LPCAT1: variants seen among roughly 807,000 people sequenced by gnomAD.
LPCAT1 encodes the protein 1-acylglycerol-3-phosphate O-acyltransferase.
A neutral mutation model predicts 60.9 loss-of-function variants in LPCAT1; 23 were observed. The observed-to-expected ratio is 0.38, with a 90% CI of 0.27 to 0.53. LPCAT1 has a LOEUF of 0.53. LPCAT1 is among the 20% of genes least tolerant of loss of function. The pLI is 0.82. For missense variants in LPCAT1, 622 were observed against 723.6 expected (o/e 0.86, Z 1.61); for synonymous variants, 340 against 301.1 (o/e 1.13, Z -1.34).
chr5:1,472,720 G>A (rs1734733135), intron 11 of LPCAT1, among the ~76,000 whole-genome samples: 1 of 152,156 alleles, frequency 6.6e-6, no homozygotes, highest in Non-Finnish European at 1.5e-5. Context: ...AGCTGCAGAT[G>A]TGGCACGGAC....
intron 4 of LPCAT1, among the ~76,000 whole-genome samples, chr5:1,489,111 G>A (rs1350266711): frequency 6.6e-6 from 1 of 152,224 alleles, no homozygotes; most frequent in Non-Finnish European, 1.5e-5. Flanking sequence ...CCAGGGCCAG[G>A]CAGGCCAAAT....
rs2126633475 is a variant in LPCAT1 at position 1,523,670 on chromosome 5, T to C, written c.135+40A>G. ...CTCCCTGGCCCCAGCATCCCTGGCG[T>C]CCGCGCCGGCTCCCGGGGCCGCGCG... is the stretch of plus-strand genomic sequence containing the variant. On this transcript the variant is annotated intron_variant, in intron 1 of 13. Transcript: ENST00000283415. This position sits in a 1 kb window ranked among gnomAD's most constrained non-coding sequence, Gnocchi z 7.1. The C allele has an allele frequency of 9.4e-7, 1 of 1,068,230 alleles. No individual in the cohort carries two copies. Among genetic ancestry groups the C allele is most frequent in the Non-Finnish European group, 1.1e-6 (1 of 884,000 alleles). 66.2% of individuals were successfully genotyped at this position (1,068,230 alleles called of 1,614,324 possible).
rs1379898842 is a variant in LPCAT1 at position 1,480,649 on chromosome 5, C to T, written c.761+293G>A. Among the ~76,000 whole-genome samples, 4 of 152,154 alleles carry T rather than the reference C, an allele frequency of 2.6e-5. No individual in the cohort carries two copies. The highest frequency in any genetic ancestry group is 9.7e-5 in the African/African-American group (4 of 41,428). On this transcript the variant is annotated intron_variant, in intron 7 of 13. Transcript: ENST00000283415. This position sits in a 1 kb window ranked among gnomAD's most constrained non-coding sequence, Gnocchi z 6.4. ...AAATCTCCACTTTCCTTACCAGGGGCCACCAGGTGGACGATCGTAATTACT... is the reference window on the plus strand; with the variant it reads ...AAATCTCCACTTTCCTTACCAGGGGTCACCAGGTGGACGATCGTAATTACT...
At chr5:1,469,749 C>T (rs1734591524) in intron 12 of LPCAT1, among the ~76,000 whole-genome samples, 1 of 151,978 alleles carries the variant, frequency 6.6e-6, no homozygotes, top group Non-Finnish European at 1.5e-5. Flanking sequence ...CCACTGCACT[C>T]CAGCCTGGAC....
In LPCAT1 at chr5:1,465,647, C is replaced by G. The variant is rs142183801; in HGVS notation, c.1420+1102G>C. Among the ~76,000 whole-genome samples, 460 of 151,834 alleles carry G rather than the reference C, an allele frequency of 3.0e-3. 1 individual carries two copies. The highest frequency in any genetic ancestry group is 0.01 in the African/African-American group (431 of 41,380). On this transcript the variant is annotated intron_variant, in intron 13 of 13. Coordinates refer to ENST00000283415, the MANE Select transcript of LPCAT1 (RefSeq NM_024830.5). ...CAAAACAAGCACAAGAGCACAGACA[C>G]GGTAACTAAACACGTGCGCTTTCAA... is the stretch of plus-strand genomic sequence containing the variant.
chr5:1,515,803 T>A (rs757585983), intron 1 of LPCAT1, among the ~76,000 whole-genome samples: 2 of 151,862 alleles, frequency 1.3e-5, no homozygotes, highest in Non-Finnish European at 2.9e-5. Flanking sequence ...GTCCCCACAA[T>A]TCTGGGTCTG....
Position 1,483,597 on chromosome 5 carries a change from C to G in LPCAT1, c.668-111G>C. The G allele has an allele frequency of 9.0e-7, 1 of 1,111,278 alleles. No homozygotes were observed. The highest frequency in any genetic ancestry group is 1.3e-6 in the Non-Finnish European group (1 of 749,362). The allele number at this position is 1,111,278 out of a possible 1,614,324, so 68.8% of individuals were successfully genotyped here. ...AAGTGAGCTTTTCTGTCTAGGCCTT[C>G]CTGGTCAGCAAGGGCACTCCATGCC... On this transcript the variant is annotated intron_variant, in intron 5 of 13. Transcript: ENST00000283415. The surrounding 1 kb of genome is among the most constrained non-coding windows in gnomAD (Gnocchi z 9.2).
At chr5:1,469,703 G>A (rs1734589837) in intron 12 of LPCAT1, among the ~76,000 whole-genome samples, 1 of 152,142 alleles carries the variant, frequency 6.6e-6, no homozygotes, top group South Asian at 2.1e-4. Context: ...CTTGAACCTG[G>A]GAGGCAGAGG....
At chr5:1,468,244 C>T in intron 12 of LPCAT1, among the ~76,000 whole-genome samples, 1 of 152,262 alleles carries the variant, frequency 6.6e-6, no homozygotes, top group East Asian at 1.9e-4. Context: ...CATCCCACAG[C>T]GCTGCCGCAC....
intron 1 of LPCAT1, among the ~76,000 whole-genome samples, chr5:1,518,487 C>T (rs1160890512): frequency 6.6e-6 from 1 of 152,236 alleles, no homozygotes; most frequent in East Asian, 1.9e-4. Context: ...ACTGCAGGCA[C>T]CTGCCATGAC....
chr5:1,501,422 C>T (rs1172923778), intron 2 of LPCAT1, 39 bp downstream of exon 2: 3 of 1,573,596 alleles, frequency 1.9e-6, no homozygotes, highest in African/African-American at 2.7e-5. Context: ...GCCGCGTGAC[C>T]CCCCCCCAGG....
chr5:1,511,823 G>C lies in LPCAT1; in HGVS notation c.136-10220C>G, dbSNP rs111365552. On this transcript the variant is annotated intron_variant, in intron 1 of 13. Coordinates refer to ENST00000283415, the MANE Select transcript of LPCAT1 (RefSeq NM_024830.5). Reference sequence around the variant, plus strand: ...TCGAGCAGCCTCATGCATCTGCACAGCAAAGCTGTGCATCGTCCTCTGCTC... The same window carrying C: ...TCGAGCAGCCTCATGCATCTGCACACCAAAGCTGTGCATCGTCCTCTGCTC... 6.9e-3 allele frequency among the ~76,000 whole-genome samples: 1,047 copies of C among 152,320 alleles called. 15 individuals carry two copies. The highest frequency in any genetic ancestry group is 0.024 in the African/African-American group (982 of 41,558).
chr5:1,466,980 TTTGTCAGAGCTGCTGGGCACCTGCA>T, intron 12 of LPCAT1, 90 bp from the exon 13 acceptor site: 3 of 1,316,040 alleles, frequency 2.3e-6, no homozygotes, highest in Non-Finnish European at 2.9e-6. Context: ...CCTGCCCCGC[TTTGTCAGAGCTGCTGGGCACCTGCA>T]GGGCCGGCGG....
At chr5:1,494,190 C>T (rs1735692583) in intron 3 of LPCAT1, among the ~76,000 whole-genome samples, 1 of 152,262 alleles carries the variant, frequency 6.6e-6, no homozygotes, top group South Asian at 2.1e-4. Flanking sequence ...CCCTGCCGAC[C>T]TGCTCCCAAA....
intron 13 of LPCAT1, 102 bp downstream of exon 13, chr5:1,466,647 G>A (rs1462287556): frequency 1.6e-6 from 2 of 1,283,668 alleles, no homozygotes; most frequent in East Asian, 5.5e-5. Context: ...GAGGCATGGC[G>A]GGGACTCCAC....
intron 1 of LPCAT1, among the ~76,000 whole-genome samples, chr5:1,504,387 C>T (rs1736118816): frequency 6.6e-6 from 1 of 152,258 alleles, no homozygotes; most frequent in South Asian, 2.1e-4. Flanking sequence ...TGGGAAGAGG[C>T]CACTCTGCAG....
At chr5:1,486,371 C>T (rs1336878501) in intron 5 of LPCAT1, among the ~76,000 whole-genome samples, 1 of 152,132 alleles carries the variant, frequency 6.6e-6, no homozygotes, top group Non-Finnish European at 1.5e-5. Flanking sequence ...GGCACCTGGG[C>T]CCAGGAGGAC....
At position 1,500,198 on chromosome 5, in the gene LPCAT1, TGA is replaced by T. The variant is rs200658827; in HGVS notation, c.278+1261_278+1262del. 1.6e-3 allele frequency among the ~76,000 whole-genome samples: 251 copies of T among 152,320 alleles called. 8 individuals carry two copies. The East Asian group carries it at 0.045, about 27-fold the overall frequency. ...GATTCAGGGAGCCCCTCCAGAATGATGAGAGATGTTAACAACACATGGAAGGG... is the reference window on the plus strand; with the variant it reads ...GATTCAGGGAGCCCCTCCAGAATGATGAGATGTTAACAACACATGGAAGGG... On this transcript the variant is annotated intron_variant, in intron 2 of 13. Transcript: ENST00000283415.
chr5:1,509,432 G>A (rs531159126), intron 1 of LPCAT1, among the ~76,000 whole-genome samples: 2 of 152,258 alleles, frequency 1.3e-5, no homozygotes, highest in African/African-American at 4.8e-5. Context: ...ACAGGCGCCT[G>A]CTGTCCAAGG....
Sources: gnomAD v4.1 joint callset for allele counts (sites outside exome capture counted in the v4.1 genomes callset) on GRCh38, gnomAD v4.1.1 for gene constraint, Gnocchi (gnomAD v3.1) non-coding constraint, MANE v1.5 for transcripts, NCBI Gene and HGNC (gene_info 2026-07-23, HGNC 2026-07-21) for gene names.